Variants in TENM4 observed in about 807,000 individuals in gnomAD.
TENM4 encodes teneurin transmembrane protein 4.
TENM4 carries 82 observed loss-of-function variants against 243.3 expected under a neutral mutation model. The ratio of observed to expected loss-of-function variants is 0.34; its 90% confidence interval spans 0.28 to 0.40. The LOEUF (loss-of-function observed/expected upper bound fraction) is 0.40, where lower values mean the gene tolerates loss of function less well. Among genes scored for constraint, TENM4 ranks in the 10% least tolerant of loss-of-function variants. TENM4 has a pLI of 1.00. For synonymous variants in TENM4, 1,412 were observed against 1,456.3 expected (o/e 0.97, Z 0.69); for missense variants, 3,138 against 3,673.3 (o/e 0.85, Z 3.77).
intron 4 of TENM4, among the ~76,000 whole-genome samples, chr11:79,092,661 T>C (rs1324163419): frequency 1.3e-5 from 2 of 152,242 alleles, no homozygotes; most frequent in African/African-American, 2.4e-5. Context: ...CCCTGCTCAA[T>C]GAGTCAAGTT....
At chr11:78,909,502 T>C (rs533051528) in intron 6 of TENM4, among the ~76,000 whole-genome samples, 1 of 152,322 alleles carries the variant, frequency 6.6e-6, no homozygotes, top group South Asian at 2.1e-4. Context: ...TGTTAAACAT[T>C]CTTTTTTGTG....
rs910847954 is a variant in TENM4 at position 79,179,540 on chromosome 11, T to A, written c.-162-30734A>T. On this transcript the variant is annotated intron_variant, in intron 3 of 33. Coordinates refer to ENST00000278550, the MANE Select transcript of TENM4 (RefSeq NM_001098816.3). Reference sequence around the variant, plus strand: ...ATGATTAAGATAGTCCATTGAAATTTGGGATAAAATATTTGAACATCTCTC... The same window carrying A: ...ATGATTAAGATAGTCCATTGAAATTAGGGATAAAATATTTGAACATCTCTC... Among the ~76,000 whole-genome samples the A allele has an allele frequency of 2.3e-4, 34 of 145,570 alleles. 1 individual carries two copies. The highest frequency in any genetic ancestry group is 2.2e-3 in the Admixed American group (33 of 14,760).
chr11:79,166,902 G>A (rs776759316), intron 3 of TENM4, among the ~76,000 whole-genome samples: 124 of 152,322 alleles, frequency 8.1e-4, no homozygotes, highest in Non-Finnish European at 1.4e-3. Flanking sequence ...AAACTATGGT[G>A]TGCAGAAGAA....
chr11:78,805,556 G>A (rs916688995), intron 14 of TENM4, 64 bp from the exon 15 acceptor site: 5 of 1,528,810 alleles, frequency 3.3e-6, no homozygotes, highest in Non-Finnish European at 4.4e-6. Context: ...GCTTCTTTAA[G>A]CAAACTACTT....
At chr11:79,039,429 GA>G (rs1434120169) in intron 6 of TENM4, among the ~76,000 whole-genome samples, 3 of 152,208 alleles carry the variant, frequency 2.0e-5, no homozygotes, top group African/African-American at 7.2e-5. Flanking sequence ...GACGCAGAAA[GA>G]AGCCAGTTTT....
intron 12 of TENM4, among the ~76,000 whole-genome samples, chr11:78,827,816 C>T (rs150055226): frequency 0.015 from 2,212 of 152,288 alleles, 23 homozygotes; most frequent in Middle Eastern, 0.031. Context: ...TTACCTCTTT[C>T]GTGAAGGTCC....
At chr11:78,953,684 A>G (rs1283109225) in intron 6 of TENM4, among the ~76,000 whole-genome samples, 1 of 152,248 alleles carries the variant, frequency 6.6e-6, no homozygotes, top group East Asian at 1.9e-4. Flanking sequence ...TAAGTAATAT[A>G]GAGATGATTA....
rs774182015 is a variant in TENM4, at chr11:78,903,468, G to GAGC, written c.546_548dup (p.Leu183dup). 3.4e-5 allele frequency: 52 copies of GAGC among 1,548,610 alleles called. No homozygotes were observed. Among genetic ancestry groups the GAGC allele is most frequent in the Non-Finnish European group, 4.4e-5 (50 of 1,145,922 alleles). ...GCTGGTTGGGGGTGTGGGCGTGCGA[G>GAGC]AGCGGCGGCGGCGGCGTCCGGAGCC... On this transcript the variant is annotated inframe_insertion, in exon 7 of 34. Coordinates refer to ENST00000278550, the MANE Select transcript of TENM4 (RefSeq NM_001098816.3).
chr11:79,063,929 A>G (rs1178882691), intron 6 of TENM4, among the ~76,000 whole-genome samples: 1 of 152,058 alleles, frequency 6.6e-6, no homozygotes, highest in Non-Finnish European at 1.5e-5. Flanking sequence ...TTTAATCATT[A>G]AAGTTTATTT....
intron 1 of TENM4, among the ~76,000 whole-genome samples, chr11:79,361,563 C>G (rs1435301423): frequency 1.3e-5 from 2 of 152,156 alleles, no homozygotes; most frequent in African/African-American, 4.8e-5. Context: ...GAGTCCCTGT[C>G]CTTATCCACA....
chr11:79,285,267 A>T (rs745508257), intron 2 of TENM4, among the ~76,000 whole-genome samples: 19 of 151,822 alleles, frequency 1.3e-4, no homozygotes, highest in Non-Finnish European at 2.6e-4. Context: ...AAAAAGAGAG[A>T]TGCTGAGTAT....
intron 5 of TENM4, among the ~76,000 whole-genome samples, chr11:79,066,304 T>A (rs183392460): frequency 5.1e-4 from 77 of 152,016 alleles, no homozygotes; most frequent in African/African-American, 1.8e-3. Flanking sequence ...GCAGAAGAGG[T>A]GGATGGCCAA....
intron 27 of TENM4, among the ~76,000 whole-genome samples, chr11:78,704,279 G>C (rs1261170486): frequency 6.7e-6 from 1 of 150,126 alleles, no homozygotes; most frequent in Non-Finnish European, 1.5e-5. Flanking sequence ...GCCTTCCGAA[G>C]TACAGGGATT....
chr11:78,713,395 T>C lies in TENM4; in HGVS notation c.3822-681A>G, dbSNP rs1279964662. On this transcript the variant is annotated intron_variant, in intron 25 of 33. Coordinates refer to ENST00000278550, the MANE Select transcript of TENM4 (RefSeq NM_001098816.3). ...CAACACAGAAGAGCAGTGCTAATGA[T>C]GGTTCTGTTTCTGGAAAACAGTTAT... 3.3e-5 allele frequency among the ~76,000 whole-genome samples: 5 copies of C among 152,204 alleles called. No homozygotes were observed. The South Asian group carries it at 6.2e-4, about 19-fold the overall frequency.
At chr11:78,811,603 C>G (rs544946058) in intron 14 of TENM4, among the ~76,000 whole-genome samples, 2 of 151,948 alleles carry the variant, frequency 1.3e-5, no homozygotes, top group Admixed American at 1.3e-4. Context: ...CACACACACA[C>G]GAGTGTGATA....
chr11:79,212,782 T>G (rs1245985555), intron 3 of TENM4, among the ~76,000 whole-genome samples: 1 of 152,142 alleles, frequency 6.6e-6, no homozygotes, highest in Non-Finnish European at 1.5e-5. Flanking sequence ...CGATTTAGTT[T>G]TCTCTCTGAA....
At position 79,392,179 on chromosome 11, in the gene TENM4, T is replaced by A. The variant is rs187310094; in HGVS notation, c.-321+48330A>T. ...ATGGGTTTGGAGATGGAGCTGGGTCTCAGAGCGGAAACCTTAATCCCCTGT... is the reference window on the plus strand; with the variant it reads ...ATGGGTTTGGAGATGGAGCTGGGTCACAGAGCGGAAACCTTAATCCCCTGT... On this transcript the variant is annotated intron_variant, in intron 1 of 33. Coordinates refer to ENST00000278550, the MANE Select transcript of TENM4 (RefSeq NM_001098816.3). Among the ~76,000 whole-genome samples, 275 of 152,328 alleles carry A rather than the reference T, an allele frequency of 1.8e-3. 1 individual carries two copies. The highest frequency in any genetic ancestry group is 6.3e-3 in the African/African-American group (264 of 41,576).
At chr11:78,706,923 G>A (rs1859268866) in intron 27 of TENM4, among the ~76,000 whole-genome samples, 1 of 152,190 alleles carries the variant, frequency 6.6e-6, no homozygotes, top group African/African-American at 2.4e-5. Context: ...GCAAAGACGA[G>A]TGGCAGAGAA....
chr11:78,668,893 A>G (rs772203934), intron 32 of TENM4, 44 bp downstream of exon 32: 1 of 1,536,576 alleles, frequency 6.5e-7, no homozygotes, highest in Non-Finnish European at 8.7e-7. Flanking sequence ...AGGTAGTAAG[A>G]GCACTTTATG....
Sources: gnomAD v4.1 joint callset for allele counts (sites outside exome capture counted in the v4.1 genomes callset) on GRCh38, gnomAD v4.1.1 for gene constraint, MANE v1.5 for transcripts, NCBI Gene and HGNC (gene_info 2026-07-23, HGNC 2026-07-21) for gene names.